Variants in DPP10 observed in about 807,000 individuals in gnomAD.
DPP10 encodes inactive dipeptidyl peptidase 10.
In DPP10, 33 loss-of-function variants were observed where a neutral mutation model predicts 120.9. The observed-to-expected ratio is 0.27, with a 90% confidence interval of 0.21 to 0.37. DPP10 has a LOEUF of 0.37. Among genes scored for constraint, DPP10 ranks in the 10% least tolerant of loss-of-function variants. DPP10 has a pLI of 1.00. For synonymous variants in DPP10, 337 were observed against 326.1 expected, an observed-to-expected ratio of 1.03 and a Z score of -0.36; for missense variants, 816 against 942.8, an observed-to-expected ratio of 0.87 and a Z score of 1.76.
intron 1 of DPP10, among the ~76,000 whole-genome samples, chr2:114,548,126 G>A (rs1573623700): frequency 6.6e-6 from 1 of 152,124 alleles, no homozygotes; most frequent in South Asian, 2.1e-4. Context: ...TTGCTTTGAA[G>A]ATTACATAAG....
intron 1 of DPP10, among the ~76,000 whole-genome samples, chr2:115,130,015 A>G (rs1212077499): frequency 6.6e-6 from 1 of 151,884 alleles, no homozygotes; most frequent in East Asian, 1.9e-4. Context: ...TTTTCCTTTC[A>G]GCAAGTGCAC....
At chr2:115,789,716 G>A (rs1351427921) in intron 17 of DPP10, among the ~76,000 whole-genome samples, 1 of 152,188 alleles carries the variant, frequency 6.6e-6, no homozygotes, top group Admixed American at 6.5e-5. Flanking sequence ...ACAAAAAATT[G>A]TGGAATATAC....
intron 1 of DPP10, among the ~76,000 whole-genome samples, chr2:114,686,116 C>A (rs1163657942): frequency 6.6e-6 from 1 of 151,866 alleles, no homozygotes. Flanking sequence ...AACTGCTAAT[C>A]ATCTTCAGAA....
intron 1 of DPP10, among the ~76,000 whole-genome samples, chr2:115,279,625 T>TTTTC (rs1331758782): frequency 2.2e-4 from 33 of 150,832 alleles, no homozygotes; most frequent in Non-Finnish European, 4.1e-4. Context: ...CTTTTATCTT[T>TTTTC]TTTCTTTCTT....
intron 5 of DPP10, among the ~76,000 whole-genome samples, chr2:115,576,312 C>T (rs920238784): frequency 1.2e-4 from 18 of 152,072 alleles, no homozygotes; most frequent in Non-Finnish European, 5.9e-5. Context: ...TATTTTGAGA[C>T]GGTAATTGGT....
chr2:115,790,940 T>C, intron 17 of DPP10, 141 bp from the exon 18 acceptor site: 1 of 530,098 alleles, frequency 1.9e-6, no homozygotes, highest in African/African-American at 2.0e-5. Context: ...AAAACTGTTG[T>C]AGTAATTCAA....
chr2:115,475,571 A>C (rs953646113), intron 3 of DPP10, among the ~76,000 whole-genome samples: 6 of 152,122 alleles, frequency 3.9e-5, no homozygotes, highest in African/African-American at 4.8e-5. Flanking sequence ...TGTCTAGTGG[A>C]GCTGTGAGAA....
chr2:115,243,891 A>C (rs1418422868), intron 1 of DPP10, among the ~76,000 whole-genome samples: 1 of 151,792 alleles, frequency 6.6e-6, no homozygotes, highest in African/African-American at 2.4e-5. Flanking sequence ...AGAGTGGTTA[A>C]ATATATGGAC....
At chr2:114,917,866 C>T (rs1166085809) in intron 1 of DPP10, among the ~76,000 whole-genome samples, 3 of 151,918 alleles carry the variant, frequency 2.0e-5, no homozygotes, top group Non-Finnish European at 4.4e-5. Flanking sequence ...TAGGAGAAAA[C>T]CTAGGAAATA....
intron 1 of DPP10, among the ~76,000 whole-genome samples, chr2:115,002,480 G>T (rs1158689567): frequency 1.3e-5 from 2 of 151,952 alleles, no homozygotes; most frequent in Non-Finnish European, 2.9e-5. Flanking sequence ...TTATGACAGA[G>T]TCCAAAAGCA....
chr2:115,438,124 G>A (rs843412), intron 3 of DPP10, among the ~76,000 whole-genome samples: 95,651 of 151,868 alleles, frequency 0.63, 30,834 homozygotes, highest in Middle Eastern at 0.74. Context: ...GAGTAAGCAC[G>A]TGAAAAGATG....
At chr2:114,457,909 T>G (rs561453638) in intron 1 of DPP10, among the ~76,000 whole-genome samples, 27 of 152,298 alleles carry the variant, frequency 1.8e-4, no homozygotes, top group Admixed American at 1.4e-3. Context: ...TAATGTTCTC[T>G]GAATTATTCC....
chr2:115,758,026 G>A (rs915970129), intron 11 of DPP10, among the ~76,000 whole-genome samples: 13 of 151,986 alleles, frequency 8.6e-5, no homozygotes, highest in Non-Finnish European at 1.8e-4. Flanking sequence ...TTTACCAGAG[G>A]CCCCACTCAG....
chr2:115,154,763 T>C (rs775280126), intron 1 of DPP10, among the ~76,000 whole-genome samples: 1 of 151,756 alleles, frequency 6.6e-6, no homozygotes, highest in Non-Finnish European at 1.5e-5. Flanking sequence ...CACAGTTAAC[T>C]CCAGTCCCCA....
chr2:115,758,601 T>C (rs1313667378), intron 11 of DPP10, among the ~76,000 whole-genome samples: 1 of 152,090 alleles, frequency 6.6e-6, no homozygotes, highest in African/African-American at 2.4e-5. Flanking sequence ...ACAAGCTGTT[T>C]TTAAAATTAA....
intron 25 of DPP10, among the ~76,000 whole-genome samples, chr2:115,841,302 G>A (rs1258453844): frequency 1.3e-5 from 2 of 152,148 alleles, no homozygotes; most frequent in Non-Finnish European, 2.9e-5. Flanking sequence ...AAAGAAGAGA[G>A]GATAAAAGGC....
Position 115,161,821 on chromosome 2 carries a change from C to A in DPP10, c.61-147418C>A, listed in dbSNP as rs1289386926. On this transcript the variant is annotated intron_variant, in intron 1 of 25. Transcript: ENST00000410059. The stretch of plus-strand genomic sequence containing the variant: ...TGCCGCTCTTCTTCCCCTCCCCGCC[C>A]CTCCGCTCCCCCCACCCCGTCCCTT... The A allele has an allele frequency of 4.8e-6, 4 of 834,218 alleles. No homozygotes were observed. In the East Asian group the frequency reaches 1.5e-4, roughly 32 times the overall value. The allele number at this position is 834,218 out of a possible 1,614,324, so 51.7% of individuals were successfully genotyped here. A position where few individuals can be genotyped will look rare whatever the true frequency, so the allele number is the denominator to read the frequency against.
At chr2:114,630,295 G>A (rs1188165851) in intron 1 of DPP10, among the ~76,000 whole-genome samples, 2 of 152,100 alleles carry the variant, frequency 1.3e-5, no homozygotes, top group African/African-American at 4.8e-5. Context: ...TTATTTCAGT[G>A]TCTTTGAAAA....
chr2:115,035,964 C>G (rs752694095), intron 1 of DPP10, among the ~76,000 whole-genome samples: 2 of 152,090 alleles, frequency 1.3e-5, no homozygotes, highest in Non-Finnish European at 2.9e-5. Flanking sequence ...TCAGTGAATC[C>G]CTTTATAAGA....
Sources: allele counts gnomAD v4.1 joint callset (sites outside exome capture counted in the v4.1 genomes callset), GRCh38; gene constraint gnomAD v4.1.1; transcripts MANE v1.5; gene names NCBI Gene and HGNC (gene_info 2026-07-23, HGNC 2026-07-21).